Variants in DIP2B observed in about 807,000 individuals in gnomAD.
DIP2B encodes the protein disco-interacting protein 2 homolog B.
Under a neutral mutation model 198.0 loss-of-function variants are expected in DIP2B, and 76 were observed. The ratio of observed to expected loss-of-function variants is 0.38; its 90% CI spans 0.32 to 0.46. The LOEUF (loss-of-function observed/expected upper bound fraction) is 0.46. Ranked by LOEUF, DIP2B falls within the 20% of genes least tolerant of loss-of-function variation. DIP2B has a pLI of 0.99. For synonymous variants in DIP2B, 701 were observed against 739.1 expected (o/e 0.95, Z 0.84); for missense variants, 1,559 against 1,978.4 (o/e 0.79, Z 4.02).
chr12:50,663,833 G>A (rs981863541), intron 4 of DIP2B, among the ~76,000 whole-genome samples: 1 of 137,680 alleles, frequency 7.3e-6, no homozygotes, highest in East Asian at 2.1e-4. Flanking sequence ...TCAATCAACC[G>A]TACTCCAACC....
chr12:50,515,382 C>A (rs1463232999), intron 1 of DIP2B, among the ~76,000 whole-genome samples: 1 of 152,138 alleles, frequency 6.6e-6, no homozygotes, highest in Non-Finnish European at 1.5e-5. Flanking sequence ...CAGGCGCCTG[C>A]CACCACGCCC....
At chr12:50,716,720 A>G (rs1446101730) in intron 23 of DIP2B, among the ~76,000 whole-genome samples, 2 of 152,166 alleles carry the variant, frequency 1.3e-5, no homozygotes, top group Admixed American at 6.6e-5. Flanking sequence ...TTTAATATTA[A>G]TCCAGTATAG....
chr12:50,522,854 G>A (rs1375041580), intron 1 of DIP2B, among the ~76,000 whole-genome samples: 1 of 152,156 alleles, frequency 6.6e-6, no homozygotes, highest in African/African-American at 2.4e-5. Context: ...AGGGTAATGT[G>A]GTGGATAGGT....
intron 1 of DIP2B, among the ~76,000 whole-genome samples, chr12:50,516,241 C>CTCTATCTCTATCTCTA (rs1555180930): frequency 1.1e-4 from 15 of 141,104 alleles, no homozygotes; most frequent in African/African-American, 4.1e-4. Context: ...CTCTCTCTCT[C>CTCTATCTCTATCTCTA]TCTCTATCTC....
Position 50,695,411 on chromosome 12 carries a change from A to G in DIP2B, c.1813+51A>G, listed in dbSNP as rs1472684246. 3.3e-6 allele frequency: 5 copies of G among 1,519,904 alleles called. No individual in the cohort carries two copies. The East Asian group carries it at 6.8e-5, about 21-fold the overall frequency. 94.2% of individuals were successfully genotyped at this position (1,519,904 alleles called of 1,614,324 possible). On this transcript the variant is annotated intron_variant, in intron 15 of 37. Coordinates refer to ENST00000301180, the MANE Select transcript of DIP2B (RefSeq NM_173602.3). ...TAATTATGTGACTGTTTGAATTAAG[A>G]TTTCAGGGATTTCAGAGATTTTCAA...
chr12:50,675,379 A>T lies in DIP2B; in HGVS notation c.847A>T (p.Thr283Ser), dbSNP rs1417636297. The T allele has an allele frequency of 6.2e-7, 1 of 1,613,946 alleles. No individual in the cohort carries two copies. The change falls in exon 7 of 38, where the codon ACT becomes TCT. Residue 283 changes from threonine to serine, a missense_variant. Physicochemically the swap from Thr to Ser is moderately conservative, Grantham distance 58. Coordinates refer to ENST00000301180, the MANE Select transcript of DIP2B (RefSeq NM_173602.3). ...TACAAAAATCCAGCAGCTTCTGAACACTCTGAAACGACCCAAAAGGCCTCC... is the reference window on the plus strand; with the variant it reads ...TACAAAAATCCAGCAGCTTCTGAACTCTCTGAAACGACCCAAAAGGCCTCC... ...VSTKIQQLLN[T>S]LKRPKRPPLK...
rs148216151 is a variant in DIP2B at position 50,743,963 on chromosome 12, C to T, written c.4479-624C>T. On this transcript the variant is annotated intron_variant, in intron 37 of 37. Coordinates refer to ENST00000301180, the MANE Select transcript of DIP2B (RefSeq NM_173602.3). ...CTGCTTCTCTGTGCCCTGGGCTACC[C>T]CAGAATATTCAAATCCATGTCACTG... is the stretch of plus-strand genomic sequence containing the variant. Among the ~76,000 whole-genome samples the T allele has an allele frequency of 7.9e-4, 121 of 152,288 alleles. 2 individuals carry two copies. The highest frequency in any genetic ancestry group is 2.7e-3 in the African/African-American group (113 of 41,556).
rs781699973 is a variant in DIP2B at position 50,685,852 on chromosome 12, T to C, written c.1337T>C (p.Ile446Thr). ...CCACAGGATGCTGGAGGTCAGCAGA[T>C]TGGCTTCTTGCTAGGAAGCTGTGGT... is the stretch of plus-strand genomic sequence containing the variant. Reference protein sequence around the residue: ...LTRKDAGGQQIGFLLGSCGIA... With the variant: ...LTRKDAGGQQTGFLLGSCGIA... The change falls in exon 11 of 38, where the codon ATT becomes ACT. Residue 446 changes from isoleucine (I) to threonine (T), a missense_variant. Coordinates refer to ENST00000301180, the MANE Select transcript of DIP2B (RefSeq NM_173602.3). The C allele has an allele frequency of 8.1e-6, 13 of 1,613,760 alleles. No individual in the cohort carries two copies. Among genetic ancestry groups the C allele is most frequent in the Non-Finnish European group, 9.3e-6 (11 of 1,179,770 alleles).
At chr12:50,528,661 C>T (rs1958189147) in intron 1 of DIP2B, among the ~76,000 whole-genome samples, 1 of 151,976 alleles carries the variant, frequency 6.6e-6, no homozygotes, top group African/African-American at 2.4e-5. Context: ...ATGAGTTCAC[C>T]CAGGAAAGAG....
rs572596522 is a variant in DIP2B, at chr12:50,738,618, G to T, written c.4177-791G>T. Reference sequence around the variant, plus strand: ...CCTGCCTCAGCCTCCTGTGTAGCTGGCATTACCAGGCGCACACCACCACGC... The same window carrying T: ...CCTGCCTCAGCCTCCTGTGTAGCTGTCATTACCAGGCGCACACCACCACGC... On this transcript the variant is annotated intron_variant, in intron 35 of 37. Transcript: ENST00000301180. 1.2e-4 allele frequency among the ~76,000 whole-genome samples: 18 copies of T among 152,180 alleles called. No individual in the cohort carries two copies. In the East Asian group the frequency reaches 3.5e-3, roughly 30 times the overall value.
chr12:50,728,747 T>G, intron 30 of DIP2B, 69 bp downstream of exon 30: 1 of 1,561,044 alleles, frequency 6.4e-7, no homozygotes, highest in Non-Finnish European at 8.7e-7. Context: ...CATCTCATCC[T>G]TCCCTTTGCT....
At chr12:50,728,364 A>G (rs560293002) in intron 29 of DIP2B, among the ~76,000 whole-genome samples, 184 bp from the exon 30 acceptor site, 1 of 152,312 alleles carries the variant, frequency 6.6e-6, no homozygotes, top group East Asian at 1.9e-4. Flanking sequence ...AAAAAAATTC[A>G]TTATTAACTA....
At chr12:50,583,687 A>T (rs1958745159) in intron 1 of DIP2B, among the ~76,000 whole-genome samples, 2 of 152,192 alleles carry the variant, frequency 1.3e-5, no homozygotes, top group Non-Finnish European at 2.9e-5. Flanking sequence ...TCTATTTACG[A>T]TGGGTTTATC....
In DIP2B at chr12:50,674,504, C is replaced by A. The variant is rs760949051; in HGVS notation, c.671C>A (p.Thr224Lys). 1 of 1,614,244 alleles carries A rather than the reference C, an allele frequency of 6.2e-7. No homozygotes were observed. The highest frequency in any genetic ancestry group is 8.5e-7 in the Non-Finnish European group (1 of 1,180,040). The change falls in exon 6 of 38, where the codon ACA (threonine) becomes AAA (lysine). Residue 224 changes from threonine to lysine, a missense_variant. By Grantham distance (78) the Thr-to-Lys change is moderately conservative. Transcript: ENST00000301180. ...ENFSAPPDVT[T>K]TTSSSSSSSS... Reference sequence around the variant, plus strand: ...TTCTCTGCTCCTCCTGATGTCACTACAACTACCTCTTCCTCCTCATCATCT... The same window carrying A: ...TTCTCTGCTCCTCCTGATGTCACTAAAACTACCTCTTCCTCCTCATCATCT...
At chr12:50,519,745 A>G (rs1402039402) in intron 1 of DIP2B, among the ~76,000 whole-genome samples, 1 of 151,714 alleles carries the variant, frequency 6.6e-6, no homozygotes, top group Non-Finnish European at 1.5e-5. Flanking sequence ...TGTAAAAATT[A>G]ATGTATAAAT....
At chr12:50,721,429 C>G in intron 26 of DIP2B, 33 bp downstream of exon 26, 1 of 1,612,136 alleles carries the variant, frequency 6.2e-7, no homozygotes. Context: ...AGAGTTTAAG[C>G]TCCAATACTA....
intron 21 of DIP2B, among the ~76,000 whole-genome samples, chr12:50,707,082 T>C (rs1185748381): frequency 1.3e-5 from 2 of 152,334 alleles, no homozygotes; most frequent in Admixed American, 6.5e-5. Context: ...AATTAAATTA[T>C]ACCGTTTTAA....
At chr12:50,598,449 C>T (rs1958897551) in intron 1 of DIP2B, among the ~76,000 whole-genome samples, 1 of 151,890 alleles carries the variant, frequency 6.6e-6, no homozygotes, top group African/African-American at 2.4e-5. Context: ...CCATCCTCTT[C>T]CTCTTAGAGA....
Position 50,700,141 on chromosome 12 carries a change from A to G in DIP2B, c.2325+939A>G, listed in dbSNP as rs1362280013. ...ATGTTCCAGATGCTTGGGGTGCATCAGAAAACAAAACAAAACTCCTTGTGG... is the reference window on the plus strand; with the variant it reads ...ATGTTCCAGATGCTTGGGGTGCATCGGAAAACAAAACAAAACTCCTTGTGG... On this transcript the variant is annotated intron_variant, in intron 19 of 37. Coordinates refer to ENST00000301180, the MANE Select transcript of DIP2B (RefSeq NM_173602.3). 3.3e-5 allele frequency among the ~76,000 whole-genome samples: 5 copies of G among 152,220 alleles called. No homozygotes were observed. In the South Asian group the frequency reaches 1.0e-3, roughly 31 times the overall value.
Sources: allele counts gnomAD v4.1 joint callset (sites outside exome capture counted in the v4.1 genomes callset), GRCh38; gene constraint gnomAD v4.1.1; transcripts MANE v1.5; gene names NCBI Gene and HGNC (gene_info 2026-07-23, HGNC 2026-07-21).